The following ZNF385D variants were observed in gnomAD, a reference collection of about 807,000 sequenced individuals.
ZNF385D encodes zinc finger protein 385D.
Under a neutral mutation model 35.8 loss-of-function variants are expected in ZNF385D, and 15 were observed. The ratio of observed to expected loss-of-function variants is 0.42; its 90% confidence interval spans 0.28 to 0.64. The LOEUF (loss-of-function observed/expected upper bound fraction) is 0.64, where lower values mean the gene tolerates loss of function less well. Among genes scored for constraint, ZNF385D ranks in the 30% least tolerant of loss-of-function variants. The probability of loss-of-function intolerance (pLI) is 0.23; values close to 1 mark genes in which losing one functional copy is unlikely to be tolerated. For synonymous variants in ZNF385D, 212 were observed against 186.8 expected (o/e 1.13, Z -1.10); for missense variants, 474 against 494.6 (o/e 0.96, Z 0.39).
At chr3:22,285,784 G>A (rs1701993200) in intron 2 of ZNF385D, among the ~76,000 whole-genome samples, 1 of 152,042 alleles carries the variant, frequency 6.6e-6, no homozygotes, top group South Asian at 2.1e-4. Flanking sequence ...TTCACACAAA[G>A]ACGGCATCAC....
chr3:21,787,897 G>C (rs1244436835), intron 3 of ZNF385D, among the ~76,000 whole-genome samples: 15 of 137,874 alleles, frequency 1.1e-4, no homozygotes, highest in African/African-American at 3.2e-4. Context: ...AGGCGAGATC[G>C]AGCCACTGCA....
intron 3 of ZNF385D, among the ~76,000 whole-genome samples, chr3:21,520,431 A>G (rs75097518): frequency 0.012 from 1,755 of 152,316 alleles, 29 homozygotes; most frequent in African/African-American, 0.04. Context: ...AAATATGCAT[A>G]TGGAGTCTCA....
chr3:22,114,668 C>T (rs538438026), intron 3 of ZNF385D, among the ~76,000 whole-genome samples: 1 of 152,160 alleles, frequency 6.6e-6, no homozygotes, highest in East Asian at 1.9e-4. Flanking sequence ...AGAGTTCTCC[C>T]AGGTCAGGGG....
At chr3:21,553,284 A>G (rs945322036) in intron 3 of ZNF385D, among the ~76,000 whole-genome samples, 1 of 152,214 alleles carries the variant, frequency 6.6e-6, no homozygotes, top group Non-Finnish European at 1.5e-5. Flanking sequence ...CCAGATGACC[A>G]CAGTAAAGCA....
chr3:21,916,212 A>C (rs920903774), intron 3 of ZNF385D, among the ~76,000 whole-genome samples: 10 of 152,332 alleles, frequency 6.6e-5, no homozygotes, highest in Admixed American at 5.2e-4. Context: ...TATAATTAAA[A>C]TAAAGAGAAA....
chr3:21,946,510 T>C (rs1371740572), intron 3 of ZNF385D, among the ~76,000 whole-genome samples: 1 of 152,190 alleles, frequency 6.6e-6, no homozygotes, highest in Admixed American at 6.5e-5. Context: ...TATGAACTGA[T>C]TTGTTTTCAT....
intron 3 of ZNF385D, among the ~76,000 whole-genome samples, chr3:21,870,887 C>G (rs924231619): frequency 6.6e-6 from 1 of 152,052 alleles, no homozygotes; most frequent in African/African-American, 2.4e-5. Context: ...CATTCTTATC[C>G]AAGCCACAGC....
At chr3:22,251,373 A>G (rs962187845) in intron 2 of ZNF385D, among the ~76,000 whole-genome samples, 2 of 152,146 alleles carry the variant, frequency 1.3e-5, no homozygotes, top group Non-Finnish European at 2.9e-5. Flanking sequence ...TCTTCCACAA[A>G]AAACAAACAA....
intron 3 of ZNF385D, among the ~76,000 whole-genome samples, chr3:21,915,189 A>T (rs1455312151): frequency 6.6e-6 from 1 of 152,020 alleles, no homozygotes; most frequent in Non-Finnish European, 1.5e-5. Flanking sequence ...TACTGAGGTT[A>T]TCTGGGATTA....
intron 3 of ZNF385D, among the ~76,000 whole-genome samples, chr3:21,820,323 C>T (rs895215101): frequency 6.6e-6 from 1 of 151,294 alleles, no homozygotes; most frequent in African/African-American, 2.4e-5. Context: ...AAAAGAAGAA[C>T]CAACATAAGA....
At chr3:22,131,250 G>C (rs1366358401) in intron 3 of ZNF385D, among the ~76,000 whole-genome samples, 1 of 152,110 alleles carries the variant, frequency 6.6e-6, no homozygotes, top group Non-Finnish European at 1.5e-5. Context: ...TGGCAAAACA[G>C]TCCGGTAAGA....
At chr3:21,657,113 A>G (rs1055383760) in intron 2 of ZNF385D, among the ~76,000 whole-genome samples, 4 of 151,874 alleles carry the variant, frequency 2.6e-5, no homozygotes, top group African/African-American at 9.7e-5. Flanking sequence ...TAATGAGAAG[A>G]ACAATTAACA....
intron 3 of ZNF385D, among the ~76,000 whole-genome samples, chr3:21,863,176 G>A (rs1697153019): frequency 6.6e-6 from 1 of 152,046 alleles, no homozygotes. Context: ...ATAATTTACT[G>A]ATATTGAACT....
chr3:21,651,477 G>A (rs2065912183), intron 2 of ZNF385D, among the ~76,000 whole-genome samples: 1 of 150,982 alleles, frequency 6.6e-6, no homozygotes, highest in African/African-American at 2.4e-5. Flanking sequence ...TGGAAAGAAT[G>A]GTTCTATTTT....
At chr3:22,237,913 A>C (rs1699282105) in intron 2 of ZNF385D, among the ~76,000 whole-genome samples, 1 of 151,046 alleles carries the variant, frequency 6.6e-6, no homozygotes, top group Non-Finnish European at 1.5e-5. Context: ...AAGTGCTGGC[A>C]TTACAGGCCT....
intron 3 of ZNF385D, among the ~76,000 whole-genome samples, chr3:22,036,562 T>A (rs1698331821): frequency 6.6e-6 from 1 of 152,260 alleles, no homozygotes; most frequent in African/African-American, 2.4e-5. Flanking sequence ...AAATGAATTT[T>A]TTTTTAGGAA....
intron 3 of ZNF385D, among the ~76,000 whole-genome samples, chr3:21,924,839 G>C (rs958072283): frequency 6.6e-6 from 1 of 152,078 alleles, no homozygotes; most frequent in Non-Finnish European, 1.5e-5. Flanking sequence ...TACTTAGGTG[G>C]TCAACTGAGG....
intron 3 of ZNF385D, among the ~76,000 whole-genome samples, chr3:21,557,633 G>A (rs180785403): frequency 4.0e-4 from 61 of 152,074 alleles, no homozygotes; most frequent in Non-Finnish European, 7.6e-4. Context: ...TTTTTTTGTC[G>A]TGTCTCTGCC....
chr3:22,058,459 T>A (rs534270941), intron 3 of ZNF385D, among the ~76,000 whole-genome samples: 6 of 152,178 alleles, frequency 3.9e-5, no homozygotes, highest in Admixed American at 3.3e-4. Flanking sequence ...TACTTACTCA[T>A]AGCCTCTTTA....
Sources: gnomAD v4.1 joint callset for allele counts (sites outside exome capture counted in the v4.1 genomes callset) on GRCh38, gnomAD v4.1.1 for gene constraint, MANE v1.5 for transcripts, NCBI Gene and HGNC (gene_info 2026-07-23, HGNC 2026-07-21) for gene names.